The following PCDH11X variants were observed in gnomAD, a reference collection of about 807,000 sequenced individuals.
The protein encoded by PCDH11X is protocadherin-11 X-linked.
PCDH11X carries 18 observed loss-of-function variants against 53.3 expected under a neutral mutation model. The observed-to-expected ratio is 0.34, with a 90% CI of 0.23 to 0.50. The LOEUF (loss-of-function observed/expected upper bound fraction) is 0.50, where lower values mean the gene tolerates loss of function less well. Among genes scored for constraint, PCDH11X ranks in the 20% least tolerant of loss-of-function variants. The probability of loss-of-function intolerance (pLI) is 0.98; values close to 1 mark genes in which losing one functional copy is unlikely to be tolerated. For synonymous variants in PCDH11X, 279 were observed against 393.3 expected (o/e 0.71, Z 3.44); for missense variants, 570 against 1,032.4 (o/e 0.55, Z 6.14).
chrX:92,075,371 A>T (rs2063759162), intron 6 of PCDH11X, among the ~76,000 whole-genome samples: 1 of 108,602 alleles, frequency 9.2e-6, no homozygotes, highest in African/African-American at 3.3e-5. Flanking sequence ...TCAGGAAACT[A>T]CGTTGTTAAC....
At chrX:92,334,875 GAT>G (rs1351945985) in intron 8 of PCDH11X, among the ~76,000 whole-genome samples, 1,819 of 109,697 alleles carry the variant, frequency 0.017, 39 homozygotes, top group African/African-American at 0.056. Flanking sequence ...CATACAAAAT[GAT>G]TTAATCGACT....
chrX:91,939,516 G>T (rs1248662741), intron 6 of PCDH11X, among the ~76,000 whole-genome samples: 4 of 108,770 alleles, frequency 3.7e-5, no homozygotes, highest in Non-Finnish European at 7.7e-5. Flanking sequence ...CCAAGCACAA[G>T]AAACATGAAG....
chrX:92,147,843 C>CTTTCTTTCTT (rs2065307079), intron 6 of PCDH11X, among the ~76,000 whole-genome samples: 1 of 97,598 alleles, frequency 1.0e-5, no homozygotes, highest in Non-Finnish European at 2.0e-5. Flanking sequence ...TTCTTTCTTT[C>CTTTCTTTCTT]TTTCTTTCTT....
intron 7 of PCDH11X, among the ~76,000 whole-genome samples, chrX:92,212,010 T>TTG (rs2066597072): frequency 1.4e-5 from 1 of 71,149 alleles, no homozygotes; most frequent in Admixed American, 2.1e-4. Flanking sequence ...GCAATGCTTT[T>TTG]TTTTTTTTTT....
intron 7 of PCDH11X, among the ~76,000 whole-genome samples, chrX:92,233,141 TGTA>T (rs1373168078): frequency 7.5e-5 from 1 of 13,275 alleles, no homozygotes; most frequent in East Asian, 0.012. Context: ...CTCAGTCGAT[TGTA>T]CTCTTAGGTA....
At chrX:92,404,267 C>T (rs1169788183) in intron 9 of PCDH11X, among the ~76,000 whole-genome samples, 1 of 103,831 alleles carries the variant, frequency 9.6e-6, no homozygotes, top group Non-Finnish European at 1.9e-5. Context: ...TGTCTGTCTA[C>T]TGAGAATGGT....
At chrX:92,084,599 T>A (rs1164517243) in intron 6 of PCDH11X, among the ~76,000 whole-genome samples, 3 of 107,089 alleles carry the variant, frequency 2.8e-5, no homozygotes, top group Admixed American at 1.0e-4. Flanking sequence ...ATCAAAAAAA[T>A]TTACTTAAAT....
chrX:92,489,511 T>C (rs1374323075), intron 10 of PCDH11X, among the ~76,000 whole-genome samples: 6 of 110,149 alleles, frequency 5.4e-5, no homozygotes, highest in African/African-American at 2.0e-4. Context: ...TTTTTCTTCT[T>C]GGGCAGAGCC....
chrX:92,435,122 A>G (rs1398568578), intron 9 of PCDH11X, among the ~76,000 whole-genome samples: 1 of 111,293 alleles, frequency 9.0e-6, no homozygotes, highest in African/African-American at 3.3e-5. Context: ...ATAAAATGAT[A>G]CAGGAGTTGA....
intron 10 of PCDH11X, among the ~76,000 whole-genome samples, chrX:92,477,982 C>T (rs987470206): frequency 9.2e-5 from 10 of 108,907 alleles, no homozygotes; most frequent in Non-Finnish European, 1.7e-4. Context: ...CATGTAATCT[C>T]CATGTGTCAA....
At chrX:92,280,530 A>C (rs1465806601) in intron 8 of PCDH11X, among the ~76,000 whole-genome samples, 1 of 98,533 alleles carries the variant, frequency 1.0e-5, no homozygotes, top group Non-Finnish European at 2.0e-5. Flanking sequence ...TCAAATAAAT[A>C]AATAAATAAA....
chrX:92,075,062 G>A (rs6618845), intron 6 of PCDH11X, among the ~76,000 whole-genome samples: 18,124 of 107,036 alleles, frequency 0.17, 1,323 homozygotes, highest in East Asian at 0.41. Flanking sequence ...AAACAAAGTT[G>A]CACAATATTT....
chrX:92,515,169 C>T (rs1373143956), intron 10 of PCDH11X, among the ~76,000 whole-genome samples: 3 of 107,643 alleles, frequency 2.8e-5, no homozygotes, highest in Admixed American at 2.0e-4. Context: ...TACTATAATA[C>T]GTGTTTCAGG....
At chrX:92,468,622 A>G (rs1409475861) in intron 10 of PCDH11X, among the ~76,000 whole-genome samples, 2 of 109,365 alleles carry the variant, frequency 1.8e-5, no homozygotes, top group Admixed American at 9.9e-5. Flanking sequence ...CAAATTACCT[A>G]TGAATTTATT....
chrX:92,265,091 G>A (rs1469167479), intron 8 of PCDH11X, among the ~76,000 whole-genome samples: 4 of 109,041 alleles, frequency 3.7e-5, no homozygotes, highest in African/African-American at 1.3e-4. Context: ...TAGGGGATGG[G>A]GTCTCGCTCT....
intron 6 of PCDH11X, among the ~76,000 whole-genome samples, chrX:92,136,984 C>CTT (rs1158660216): frequency 1.6e-4 from 15 of 94,809 alleles, no homozygotes; most frequent in Non-Finnish European, 2.9e-4. Context: ...TTTCTTTTTT[C>CTT]TTTTTTTTTT....
intron 10 of PCDH11X, among the ~76,000 whole-genome samples, chrX:92,504,960 C>CA (rs959536068): frequency 5.5e-5 from 6 of 109,711 alleles, no homozygotes; most frequent in African/African-American, 2.0e-4. Flanking sequence ...GTTCTTTGGC[C>CA]ACTTTTGAAT....
intron 6 of PCDH11X, among the ~76,000 whole-genome samples, chrX:91,898,728 T>G (rs1940845237): frequency 9.7e-6 from 1 of 102,755 alleles, no homozygotes; most frequent in Admixed American, 1.1e-4. Flanking sequence ...ACATTCTATT[T>G]ACTATGTGAC....
At chrX:91,977,453 T>C (rs1387563363) in intron 6 of PCDH11X, among the ~76,000 whole-genome samples, 2 of 112,133 alleles carry the variant, frequency 1.8e-5, no homozygotes, top group African/African-American at 6.5e-5. Context: ...CATTGACTTA[T>C]AACTGTACCT....
Sources: allele counts gnomAD v4.1 joint callset (sites outside exome capture counted in the v4.1 genomes callset), GRCh38; gene constraint gnomAD v4.1.1; transcripts MANE v1.5; gene names NCBI Gene and HGNC (gene_info 2026-07-23, HGNC 2026-07-21).